PDE11A: variants seen among roughly 807,000 people sequenced by gnomAD.
PDE11A encodes the protein dual 3',5'-cyclic-AMP and -GMP phosphodiesterase 11A.
In PDE11A, 100 loss-of-function variants were observed where a neutral mutation model predicts 100.5. The observed-to-expected ratio is 1.00, with a 90% confidence interval of 0.85 to 1.18. The LOEUF (loss-of-function observed/expected upper bound fraction) is 1.18, where lower values mean the gene tolerates loss of function less well. Ranked by LOEUF, PDE11A falls within the 50% of genes most tolerant of loss-of-function variation. The pLI is 0.00. For missense variants in PDE11A, 1,141 were observed against 1,152.6 expected, an observed-to-expected ratio of 0.99 and a Z score of 0.15; for synonymous variants, 381 against 420.8, an observed-to-expected ratio of 0.91 and a Z score of 1.16.
At chr2:177,835,466 C>T (rs992468792) in intron 6 of PDE11A, among the ~76,000 whole-genome samples, 2 of 152,212 alleles carry the variant, frequency 1.3e-5, no homozygotes, top group Non-Finnish European at 2.9e-5. Flanking sequence ...ATTTCCCAGA[C>T]CTTAAACTGC....
intron 2 of PDE11A, among the ~76,000 whole-genome samples, chr2:177,918,190 T>C (rs1429735879): frequency 6.6e-6 from 1 of 152,248 alleles, no homozygotes; most frequent in Non-Finnish European, 1.5e-5. Flanking sequence ...ACTGTCTACA[T>C]GAGTCATCAG....
chr2:177,780,855 T>A (rs936733342), intron 9 of PDE11A, among the ~76,000 whole-genome samples: 1 of 152,254 alleles, frequency 6.6e-6, no homozygotes, highest in Non-Finnish European at 1.5e-5. Context: ...GTGGCTCATT[T>A]GATCTTTTCT....
chr2:177,877,295 G>T (rs193034078), intron 4 of PDE11A, among the ~76,000 whole-genome samples: 1 of 124,506 alleles, frequency 8.0e-6, no homozygotes, highest in Non-Finnish European at 1.7e-5. Flanking sequence ...CTCCCAAGTC[G>T]CTGGGATTAC....
chr2:177,666,798 C>T (rs2080594439), intron 18 of PDE11A, among the ~76,000 whole-genome samples: 1 of 151,720 alleles, frequency 6.6e-6, no homozygotes, highest in Non-Finnish European at 1.5e-5. Flanking sequence ...AGATACTTGG[C>T]CCATAAAAGA....
intron 14 of PDE11A, among the ~76,000 whole-genome samples, chr2:177,699,620 G>A (rs1469423225): frequency 2.6e-5 from 4 of 152,186 alleles, no homozygotes; most frequent in Non-Finnish European, 4.4e-5. Context: ...GGTGAGTGTG[G>A]TGTTAATGGA....
chr2:178,026,634 C>T (rs1010093993), intron 1 of PDE11A, among the ~76,000 whole-genome samples: 7 of 149,976 alleles, frequency 4.7e-5, no homozygotes, highest in African/African-American at 1.7e-4. Context: ...GCACTCCAGC[C>T]TGTGCAACAG....
intron 2 of PDE11A, among the ~76,000 whole-genome samples, chr2:178,100,889 G>C (rs1330348330): frequency 1.3e-5 from 2 of 152,112 alleles, no homozygotes; most frequent in African/African-American, 4.8e-5. Flanking sequence ...CTACAAATTA[G>C]AAGTTCAAAA....
chr2:177,809,294 A>C (rs2082914226), intron 9 of PDE11A, among the ~76,000 whole-genome samples: 1 of 152,190 alleles, frequency 6.6e-6, no homozygotes, highest in Non-Finnish European at 1.5e-5. Flanking sequence ...CTTTTAAAGC[A>C]ACAACAAAAA....
At chr2:177,699,053 T>A (rs2081159067) in intron 14 of PDE11A, among the ~76,000 whole-genome samples, 2 of 152,220 alleles carry the variant, frequency 1.3e-5, no homozygotes, top group Admixed American at 6.5e-5. Flanking sequence ...TTTATGAGGA[T>A]GTGTGTTTTA....
chr2:178,067,406 T>C (rs184013682), intron 1 of PDE11A, among the ~76,000 whole-genome samples: 1 of 152,304 alleles, frequency 6.6e-6, no homozygotes, highest in East Asian at 1.9e-4. Flanking sequence ...TGCAAATCAT[T>C]CTATGACAAT....
intron 9 of PDE11A, among the ~76,000 whole-genome samples, chr2:177,807,676 T>C (rs936074745): frequency 1.3e-5 from 2 of 152,200 alleles, no homozygotes; most frequent in African/African-American, 2.4e-5. Context: ...TCCTCCTGCC[T>C]TGGCCTCCCA....
At chr2:177,924,015 A>AT (rs2085092006) in intron 2 of PDE11A, among the ~76,000 whole-genome samples, 1 of 152,240 alleles carries the variant, frequency 6.6e-6, no homozygotes, top group Non-Finnish European at 1.5e-5. Flanking sequence ...TATATTCACC[A>AT]GGTCAAGAAA....
intron 2 of PDE11A, among the ~76,000 whole-genome samples, chr2:177,928,721 G>A (rs1017592653): frequency 6.6e-6 from 1 of 152,060 alleles, no homozygotes; most frequent in African/African-American, 2.4e-5. Context: ...TAATTATCTG[G>A]GGGTGGTGGC....
chr2:177,776,128 T>C (rs1460522345), intron 9 of PDE11A, among the ~76,000 whole-genome samples: 3 of 152,182 alleles, frequency 2.0e-5, no homozygotes, highest in Non-Finnish European at 4.4e-5. Context: ...ATGATATGCC[T>C]TATATATGAG....
intron 19 of PDE11A, among the ~76,000 whole-genome samples, chr2:177,656,577 T>G (rs1442313804): frequency 6.6e-6 from 1 of 152,264 alleles, no homozygotes; most frequent in African/African-American, 2.4e-5. Context: ...TTCACTTTTC[T>G]GTTTCTTCAT....
intron 2 of PDE11A, among the ~76,000 whole-genome samples, chr2:177,920,600 G>T (rs1329636655): frequency 6.6e-6 from 1 of 152,026 alleles, no homozygotes; most frequent in Admixed American, 6.6e-5. Flanking sequence ...CAATTCTGAA[G>T]AACAGTTTTG....
intron 2 of PDE11A, among the ~76,000 whole-genome samples, chr2:177,944,828 C>CTCTCCCTCTCCCTCTCCG (rs2085386304): frequency 1.5e-5 from 2 of 129,874 alleles, no homozygotes; most frequent in Non-Finnish European, 3.5e-5. Flanking sequence ...CTCCCTCTCC[C>CTCTCCCTCTCCCTCTCCG]TCTCCCTCTC....
chr2:177,776,152 A>G (rs1438040), intron 9 of PDE11A, among the ~76,000 whole-genome samples: 98,906 of 152,020 alleles, frequency 0.65, 33,231 homozygotes, highest in African/African-American at 0.8. Flanking sequence ...AAAGTAAGCA[A>G]TGTAGGTAGG....
chr2:177,717,563 C>T (rs1342762968), intron 12 of PDE11A, among the ~76,000 whole-genome samples: 1 of 152,070 alleles, frequency 6.6e-6, no homozygotes, highest in Non-Finnish European at 1.5e-5. Context: ...ATCTTCTCAC[C>T]TGTATTCCCT....
Sources: gnomAD v4.1 joint callset for allele counts (sites outside exome capture counted in the v4.1 genomes callset) on GRCh38, gnomAD v4.1.1 for gene constraint, MANE v1.5 for transcripts, NCBI Gene and HGNC (gene_info 2026-07-23, HGNC 2026-07-21) for gene names.